Variants in HHLA2 observed in about 807,000 individuals in gnomAD.
The protein encoded by HHLA2 is HERV-H LTR-associating protein 2.
In HHLA2, 48 loss-of-function variants were observed where a neutral mutation model predicts 45.9. The observed-to-expected ratio is 1.05, with a 90% CI of 0.83 to 1.33. The LOEUF is 1.33. Among genes scored for constraint, HHLA2 ranks in the 40% most tolerant of loss-of-function variants. The pLI is 0.00. For synonymous variants in HHLA2, 161 were observed against 173.9 expected (o/e 0.93, Z 0.59); for missense variants, 462 against 494.3 (o/e 0.93, Z 0.62).
At chr3:108,316,211 G>A (rs1178814589) in intron 2 of HHLA2, among the ~76,000 whole-genome samples, 2 of 152,106 alleles carry the variant, frequency 1.3e-5, no homozygotes, top group Non-Finnish European at 2.9e-5. Context: ...AGGGCAAAGT[G>A]AGAAACAAAT....
intron 2 of HHLA2, among the ~76,000 whole-genome samples, chr3:108,314,957 C>T (rs2081078494): frequency 6.6e-6 from 1 of 152,150 alleles, no homozygotes; most frequent in Non-Finnish European, 1.5e-5. Context: ...ATTTTTTCCC[C>T]TACTTATCTG....
At chr3:108,328,483 G>A (rs1318765684) in intron 3 of HHLA2, 7 of 617,634 alleles carry the variant, frequency 1.1e-5, no homozygotes, top group Non-Finnish European at 1.6e-5. Context: ...TGATTTGGAG[G>A]TGAATATTAT....
At chr3:108,299,321 GA>G (rs79516048) in intron 1 of HHLA2, among the ~76,000 whole-genome samples, 1 of 148,514 alleles carries the variant, frequency 6.7e-6, no homozygotes, top group East Asian at 2.0e-4. Context: ...AAAAGACCCA[GA>G]AAAAATATAT....
At chr3:108,324,011 A>G (rs1052599999) in intron 2 of HHLA2, among the ~76,000 whole-genome samples, 2 of 152,224 alleles carry the variant, frequency 1.3e-5, no homozygotes, top group African/African-American at 4.8e-5. Flanking sequence ...TAAAAATGCC[A>G]GACTTAAGAT....
chr3:108,365,812 G>A (rs2082054100), intron 8 of HHLA2, among the ~76,000 whole-genome samples: 1 of 152,178 alleles, frequency 6.6e-6, no homozygotes, highest in Admixed American at 6.6e-5. Context: ...AGGAATGCTT[G>A]TGATTTTTGC....
At position 108,358,083 on chromosome 3, in the gene HHLA2, C is replaced by A. The variant is rs1271932954; in HGVS notation, c.925C>A (p.Leu309Ile). ...CTCTATGAATTTGATGGATCTTAAT[C>A]TTTCAGACAGTGGGGAATATTTATG... Residue 309 changes from leucine to isoleucine, a missense_variant, in exon 7 of 11, where the codon CTT (leucine) becomes ATT (isoleucine). By Grantham distance (5) the Leu-to-Ile change is conservative. This residue lies in a region of HHLA2 where 335 missense variants were observed against 367.4 expected (regional missense o/e 0.91). Coordinates refer to ENST00000619531, the Ensembl canonical transcript of HHLA2. The A allele has an allele frequency of 1.9e-6, 3 of 1,613,574 alleles. No individual in the cohort carries two copies. The African/African-American group carries it at 4.0e-5, about 22-fold the overall frequency.
At chr3:108,358,106 A>G in exon 7 of HHLA2, 1 of 1,613,294 alleles carries the variant, frequency 6.2e-7, no homozygotes, top group East Asian at 2.2e-5. Context: ...GGGAATATTT[A>G]TGCAATATTT....
chr3:108,307,126 T>A (rs1037301034), intron 1 of HHLA2, among the ~76,000 whole-genome samples: 1 of 152,114 alleles, frequency 6.6e-6, no homozygotes, highest in African/African-American at 2.4e-5. Context: ...CCAGCCCTTT[T>A]TAAAAAAAAT....
chr3:108,307,863 A>G (rs914235592), intron 1 of HHLA2, among the ~76,000 whole-genome samples: 3 of 151,326 alleles, frequency 2.0e-5, no homozygotes, highest in Middle Eastern at 3.4e-3. Context: ...CTTTTTTTTT[A>G]TTTTCAATTT....
At chr3:108,340,767 GTTATT>G (rs1165026577) in intron 3 of HHLA2, among the ~76,000 whole-genome samples, 9 of 151,558 alleles carry the variant, frequency 5.9e-5, no homozygotes, top group African/African-American at 2.2e-4. Context: ...ACAATCTGAA[GTTATT>G]TTATTACCTT....
chr3:108,343,033 C>T (rs2081602946), intron 3 of HHLA2, among the ~76,000 whole-genome samples: 2 of 152,142 alleles, frequency 1.3e-5, no homozygotes, highest in South Asian at 4.1e-4. Flanking sequence ...CATCCCTGTA[C>T]AGTTTGTGAC....
exon 11 of HHLA2, chr3:108,377,461 C>A: frequency 1.7e-6 from 1 of 585,876 alleles, no homozygotes; most frequent in Non-Finnish European, 3.1e-6. Context: ...TTCAAGACAT[C>A]ATTCACTGAC....
chr3:108,369,537 A>G (rs570165708), intron 8 of HHLA2, among the ~76,000 whole-genome samples: 2 of 152,328 alleles, frequency 1.3e-5, no homozygotes, highest in East Asian at 1.9e-4. Flanking sequence ...AGGAAGCACA[A>G]GGGGTCAGGG....
exon 5 of HHLA2, chr3:108,353,548 C>T (rs2107458682): frequency 6.2e-7 from 1 of 1,613,498 alleles, no homozygotes; most frequent in South Asian, 1.1e-5. Flanking sequence ...TCGTAATACA[C>T]TGGAAGTATC....
chr3:108,300,478 T>C (rs1014068661), intron 1 of HHLA2, among the ~76,000 whole-genome samples: 2 of 152,278 alleles, frequency 1.3e-5, no homozygotes, highest in South Asian at 4.1e-4. Context: ...ATTAGGAATA[T>C]AAACCAGGTG....
intron 8 of HHLA2, among the ~76,000 whole-genome samples, chr3:108,373,173 CAT>C (rs1251802206): frequency 6.6e-6 from 1 of 151,304 alleles, no homozygotes; most frequent in Non-Finnish European, 1.5e-5. Context: ...GCTGGTTCAA[CAT>C]ATGAAAATCA....
At chr3:108,338,336 A>C (rs910222906) in intron 3 of HHLA2, among the ~76,000 whole-genome samples, 1 of 152,084 alleles carries the variant, frequency 6.6e-6, no homozygotes, top group Non-Finnish European at 1.5e-5. Flanking sequence ...AAGTTATAGA[A>C]ACACATTTCA....
intron 2 of HHLA2, among the ~76,000 whole-genome samples, chr3:108,324,186 A>T (rs932685375): frequency 6.6e-6 from 1 of 152,196 alleles, no homozygotes; most frequent in Non-Finnish European, 1.5e-5. Flanking sequence ...CCCTTCTCAT[A>T]AATACCAGAG....
At chr3:108,329,533 G>A (rs563946387) in intron 3 of HHLA2, among the ~76,000 whole-genome samples, 8 of 152,188 alleles carry the variant, frequency 5.3e-5, no homozygotes, top group African/African-American at 1.2e-4. Flanking sequence ...TGTTTTCAGC[G>A]GGTCTAAATA....
Sources: allele counts gnomAD v4.1 joint callset (sites outside exome capture counted in the v4.1 genomes callset), GRCh38; gene constraint gnomAD v4.1.1; regional missense constraint gnomAD v4.1.1; transcripts MANE v1.5; gene names NCBI Gene and HGNC (gene_info 2026-07-23, HGNC 2026-07-21).